BLOC1S3: variants seen among roughly 807,000 people sequenced by gnomAD.
BLOC1S3 encodes the protein biogenesis of lysosome-related organelles complex 1 subunit 3.
A neutral mutation model predicts 9.1 loss-of-function variants in BLOC1S3; 7 were observed. The observed-to-expected ratio is 0.77, with a 90% CI of 0.44 to 1.45. The LOEUF (loss-of-function observed/expected upper bound fraction) is 1.45. Among genes scored for constraint, BLOC1S3 ranks in the 40% most tolerant of loss-of-function variants. The pLI, the probability that BLOC1S3 is intolerant of heterozygous loss-of-function variation, is 0.01. For synonymous variants in BLOC1S3, 145 were observed against 158.4 expected (o/e 0.92, Z 0.64); for missense variants, 307 against 315.2 (o/e 0.97, Z 0.20).
At chr19:45,215,500 A>G (rs1969823088) in intron 3 of BLOC1S3, among the ~76,000 whole-genome samples, 1 of 152,156 alleles carries the variant, frequency 6.6e-6, no homozygotes, top group Non-Finnish European at 1.5e-5. Flanking sequence ...TTGGCATGTA[A>G]GATGCTTATT....
chr19:45,182,997 AAG>A (rs1471185810), downstream of BLOC1S3, among the ~76,000 whole-genome samples: 3 of 152,200 alleles, frequency 2.0e-5, no homozygotes, highest in African/African-American at 7.2e-5. Flanking sequence ...GAGTAGGGTG[AAG>A]AGTTGCAGAC....
intron 3 of BLOC1S3, among the ~76,000 whole-genome samples, chr19:45,215,873 C>CGGTGGCG (rs1969827683): frequency 1.3e-5 from 2 of 152,164 alleles, no homozygotes; most frequent in Admixed American, 6.5e-5. Context: ...GCCCTGGTGG[C>CGGTGGCG]GGTGGCGGCG....
chr19:45,214,684 C>T (rs1363723617), intron 3 of BLOC1S3, among the ~76,000 whole-genome samples: 1 of 151,632 alleles, frequency 6.6e-6, no homozygotes, highest in Non-Finnish European at 1.5e-5. Flanking sequence ...AGGCTGGTCT[C>T]GAACTCCTGA....
intron 2 of BLOC1S3, among the ~76,000 whole-genome samples, chr19:45,200,383 C>T (rs1170477767): frequency 6.6e-6 from 1 of 151,924 alleles, no homozygotes; most frequent in East Asian, 1.9e-4. Flanking sequence ...GGGGTTTCAC[C>T]GTGTTAGCCA....
intron 2 of BLOC1S3, among the ~76,000 whole-genome samples, chr19:45,193,407 T>C (rs1406358447): frequency 2.6e-5 from 4 of 152,154 alleles, no homozygotes; most frequent in Non-Finnish European, 5.9e-5. Context: ...TTGTATATCA[T>C]TTTCCTGATT....
At chr19:45,197,186 T>C (rs1461951471) in intron 2 of BLOC1S3, among the ~76,000 whole-genome samples, 1 of 151,230 alleles carries the variant, frequency 6.6e-6, no homozygotes, top group Non-Finnish European at 1.5e-5. Context: ...AGACCTTATC[T>C]CAAAAAAAGA....
intron 2 of BLOC1S3, among the ~76,000 whole-genome samples, chr19:45,192,452 G>A (rs1475961657): frequency 6.6e-6 from 1 of 151,934 alleles, no homozygotes; most frequent in African/African-American, 2.4e-5. Context: ...CCAGACAAAG[G>A]CCCCTTTACT....
chr19:45,202,810 T>G (rs1647492872), intron 3 of BLOC1S3, among the ~76,000 whole-genome samples: 2 of 152,054 alleles, frequency 1.3e-5, no homozygotes, highest in Non-Finnish European at 2.9e-5. Flanking sequence ...GCGAGCACTC[T>G]CTGGCAACCA....
intron 2 of BLOC1S3, among the ~76,000 whole-genome samples, chr19:45,199,802 G>A (rs1015017052): frequency 6.7e-6 from 1 of 150,142 alleles, no homozygotes; most frequent in African/African-American, 2.5e-5. Flanking sequence ...TCACTTTGTC[G>A]ACCAGGCTGG....
At position 45,179,383 on chromosome 19, in the gene BLOC1S3, C is replaced by A. The variant is rs780816357; in HGVS notation, c.87C>A (p.Arg29=). 1.9e-6 allele frequency: 3 copies of A among 1,580,550 alleles called. No individual in the cohort carries two copies. The highest frequency in any genetic ancestry group is 4.6e-5 in the East Asian group (2 of 43,136). Residue 29 remains arginine (R), a synonymous_variant, in exon 2 of 2, where the codon CGC becomes CGA. Transcript: ENST00000433642. The surrounding 1 kb of genome is among the most constrained non-coding windows in gnomAD (Gnocchi z 4.6). ...PGEATETDSE[R]SASSSEEEEL... ...AGGCGACCGAGACGGATTCCGAGCG[C>A]TCTGCGTCCTCGTCGGAGGAGGAGG...
At position 45,179,472 on chromosome 19, in the gene BLOC1S3, A is replaced by T. The variant is rs1252259851; in HGVS notation, c.176A>T (p.Glu59Val). ...CCCACGGGGCTGCGGGTGGCTGGGGAAGCCGCGGAGACCGACTCGGAGCCG... is the reference window on the plus strand; with the variant it reads ...CCCACGGGGCTGCGGGTGGCTGGGGTAGCCGCGGAGACCGACTCGGAGCCG... Reference protein sequence around the residue: ...GRPTGLRVAGEAAETDSEPEP... With the variant: ...GRPTGLRVAGVAAETDSEPEP... The change falls in exon 2 of 2, where the codon GAA (glutamate) becomes GTA (valine). Residue 59 changes from glutamate (E) to valine (V), a missense_variant. Glu to Val is a moderately radical substitution (Grantham distance 121). Transcript: ENST00000433642. The surrounding 1 kb of genome is among the most constrained non-coding windows in gnomAD (Gnocchi z 4.6). 20 of 1,523,394 alleles carry T rather than the reference A, an allele frequency of 1.3e-5. No homozygotes were observed. The highest frequency in any genetic ancestry group is 1.8e-5 in the Non-Finnish European group (20 of 1,141,688). 94.4% of individuals were successfully genotyped at this position (1,523,394 alleles called of 1,614,324 possible).
Position 45,179,679 on chromosome 19 carries a change from T to A in BLOC1S3, c.383T>A (p.Val128Glu). The A allele has an allele frequency of 6.8e-7, 1 of 1,466,784 alleles. No individual in the cohort carries two copies. The highest frequency in any genetic ancestry group is 1.3e-5 in the South Asian group (1 of 76,712). 90.9% of individuals were successfully genotyped at this position (1,466,784 alleles called of 1,614,324 possible). The part of the protein sequence containing the change: ...ARLDHDVAAA[V>E]SGVYRRAGRD... ...CTGGACCACGACGTGGCGGCCGCCG[T>A]GAGCGGTGTCTACCGCCGTGCAGGC... The change falls in exon 2 of 2, where the codon GTG becomes GAG. Residue 128 changes from valine to glutamate, a missense_variant. Physicochemically the swap from Val to Glu is moderately radical, Grantham distance 121 (BLOSUM62 -2). Transcript: ENST00000433642. The surrounding 1 kb of genome is among the most constrained non-coding windows in gnomAD (Gnocchi z 4.6).
chr19:45,186,324 A>ATATTAT (rs372960041), downstream of BLOC1S3, among the ~76,000 whole-genome samples: 1 of 151,962 alleles, frequency 6.6e-6, no homozygotes, highest in African/African-American at 2.4e-5. Context: ...GCCAAATCGT[A>ATATTAT]TATTATTATT....
chr19:45,188,195 G>A (rs775631174), intron 2 of BLOC1S3, among the ~76,000 whole-genome samples: 1 of 151,992 alleles, frequency 6.6e-6, no homozygotes, highest in Non-Finnish European at 1.5e-5. Context: ...ACTAATTTTT[G>A]TATTTTTAGT....
At chr19:45,211,557 G>C (rs147102953) in intron 3 of BLOC1S3, among the ~76,000 whole-genome samples, 1,713 of 151,768 alleles carry the variant, frequency 0.011, 11 homozygotes, top group Middle Eastern at 0.031. Context: ...GCAAAGTGAG[G>C]AAGGTGCACC....
At chr19:45,197,135 C>T (rs1274254258) in intron 2 of BLOC1S3, among the ~76,000 whole-genome samples, 1 of 151,846 alleles carries the variant, frequency 6.6e-6, no homozygotes, top group Admixed American at 6.6e-5. Flanking sequence ...CTGCAGTGAG[C>T]TATGATCGTG....
intron 2 of BLOC1S3, among the ~76,000 whole-genome samples, chr19:45,194,124 TTTTA>T (rs1969630007): frequency 9.9e-6 from 1 of 101,494 alleles, no homozygotes; most frequent in Non-Finnish European, 2.0e-5. Context: ...TTTTTTTTTT[TTTTA>T]ATGAGATGGA....
intron 2 of BLOC1S3, among the ~76,000 whole-genome samples, chr19:45,188,245 A>G (rs1599750463): frequency 6.6e-6 from 1 of 151,896 alleles, no homozygotes; most frequent in Non-Finnish European, 1.5e-5. Flanking sequence ...CTGGTCTCGA[A>G]CTCCCAACCT....
At position 45,179,576 on chromosome 19, in the gene BLOC1S3, TG is replaced by T; in HGVS notation, c.284del (p.Gly95AlafsTer34). ...GCAGCGGGAATCGGCGGAGGAGGCC[TG>T]GGGCACGGAGGAGGCCCCGGCGCCC... ...VVQRESAEEA[W>X]GTEEAPAPAP... On this transcript the variant is annotated frameshift_variant, in exon 2 of 2. Transcript: ENST00000433642. LOFTEE classifies it high-confidence loss of function. This position sits in a 1 kb window ranked among gnomAD's most constrained non-coding sequence, Gnocchi z 4.6. 1.3e-6 allele frequency: 2 copies of T among 1,504,926 alleles called. No homozygotes were observed. Among genetic ancestry groups the T allele is most frequent in the Non-Finnish European group, 1.8e-6 (2 of 1,134,214 alleles). 93.2% of individuals were successfully genotyped at this position (1,504,926 alleles called of 1,614,324 possible).
Sources: allele counts gnomAD v4.1 joint callset (sites outside exome capture counted in the v4.1 genomes callset), GRCh38; gene constraint gnomAD v4.1.1; non-coding constraint Gnocchi (gnomAD v3.1); transcripts MANE v1.5; gene names NCBI Gene and HGNC (gene_info 2026-07-23, HGNC 2026-07-21).